Variants in SPINK5 observed in about 807,000 individuals in gnomAD.
The protein encoded by SPINK5 is serine peptidase inhibitor Kazal type 5.
In SPINK5, 125 loss-of-function variants were observed where a neutral mutation model predicts 151.8. The observed-to-expected ratio is 0.82, with a 90% confidence interval of 0.71 to 0.96. SPINK5 has a LOEUF of 0.96. Ranked by LOEUF, SPINK5 falls within the 40% of genes least tolerant of loss-of-function variation. SPINK5 has a pLI of 0.00. For synonymous variants in SPINK5, 374 were observed against 395.3 expected (o/e 0.95, Z 0.64); for missense variants, 1,194 against 1,291.9 (o/e 0.92, Z 1.16).
intron 10 of SPINK5, 48 bp from the exon 11 acceptor site, chr5:148,097,819 A>G: frequency 2.6e-6 from 4 of 1,546,502 alleles, no homozygotes; most frequent in Non-Finnish European, 3.6e-6. Flanking sequence ...TAACATTCAT[A>G]CATAGAAAAC....
chr5:148,076,882 C>T (rs902220225), intron 4 of SPINK5, among the ~76,000 whole-genome samples: 3 of 151,328 alleles, frequency 2.0e-5, no homozygotes, highest in African/African-American at 7.3e-5. Flanking sequence ...AAGGGAATTA[C>T]CAAACTTGAG....
rs1754213132 is a variant in SPINK5, at chr5:148,120,108, A to G, written c.2413A>G (p.Asn805Asp). The G allele has an allele frequency of 6.2e-7, 1 of 1,614,030 alleles. No homozygotes were observed. ...GGGTCCAGATGGCAAGACACATGGC[A>G]ATAAGTGTACTATGTGTAAGGAAAA... Reference protein sequence around the residue: ...VRGPDGKTHGNKCTMCKEKLE... With the variant: ...VRGPDGKTHGDKCTMCKEKLE... The change falls in exon 25 of 33, where the codon AAT becomes GAT. Residue 805 changes from asparagine to aspartate, a missense_variant. By Grantham distance (23) the Asn-to-Asp change is conservative. Coordinates refer to ENST00000256084, the MANE Select transcript of SPINK5 (RefSeq NM_006846.4).
chr5:148,091,033 A>G (rs1008992379), intron 7 of SPINK5, 132 bp from the exon 8 acceptor site: 2 of 756,728 alleles, frequency 2.6e-6, no homozygotes, highest in Middle Eastern at 3.2e-4. Context: ...GAAGACGGAA[A>G]TGCTTGTCTC....
chr5:148,128,453 G>C (rs1451202094), intron 30 of SPINK5, among the ~76,000 whole-genome samples: 1 of 151,936 alleles, frequency 6.6e-6, no homozygotes, highest in Admixed American at 6.6e-5. Flanking sequence ...TCATCAAGCC[G>C]GCAGTCCTTT....
chr5:148,110,086 T>G (rs1206167392), intron 18 of SPINK5, among the ~76,000 whole-genome samples: 1 of 152,196 alleles, frequency 6.6e-6, no homozygotes, highest in Non-Finnish European at 1.5e-5. Context: ...CCTTGCTTCA[T>G]TTCCCTACCA....
At chr5:148,117,773 C>G (rs941188107) in intron 22 of SPINK5, among the ~76,000 whole-genome samples, 2 of 152,112 alleles carry the variant, frequency 1.3e-5, no homozygotes, top group Non-Finnish European at 1.5e-5. Context: ...TGTACAGGGC[C>G]AACTGACAGA....
At chr5:148,108,490 G>A (rs374674057) in intron 17 of SPINK5, among the ~76,000 whole-genome samples, 132 of 152,126 alleles carry the variant, frequency 8.7e-4, no homozygotes, top group African/African-American at 2.9e-3. Context: ...AATTAGCGAC[G>A]TACAAAAAAT....
chr5:148,116,448 T>G lies in SPINK5; in HGVS notation c.2094T>G (p.Gly698=), dbSNP rs759508318. 1.2e-6 allele frequency: 2 copies of G among 1,613,668 alleles called. No homozygotes were observed. Among genetic ancestry groups the G allele is most frequent in the Non-Finnish European group, 1.7e-6 (2 of 1,179,964 alleles). ...CTGCAGGACATGGTTCCAGTGGTGG[T>G]GGAGGAGGAAACACTCAGGTGAGAG... ...RNAAGHGSSG[G]GGGNTQDECA... The change falls in exon 22 of 33, where the codon GGT becomes GGG. Residue 698 remains glycine (G), a synonymous_variant. Coordinates refer to ENST00000256084, the MANE Select transcript of SPINK5 (RefSeq NM_006846.4).
At chr5:148,092,357 T>C (rs1753333899) in intron 8 of SPINK5, among the ~76,000 whole-genome samples, 1 of 151,948 alleles carries the variant, frequency 6.6e-6, no homozygotes, top group African/African-American at 2.4e-5. Flanking sequence ...ATGCAACACT[T>C]GCCAAGGATT....
intron 2 of SPINK5, among the ~76,000 whole-genome samples, chr5:148,069,361 C>G (rs557585120): frequency 6.6e-6 from 1 of 151,806 alleles, no homozygotes; most frequent in Non-Finnish European, 1.5e-5. Context: ...TTCCCCTGTC[C>G]TCCTTAAACT....
intron 2 of SPINK5, among the ~76,000 whole-genome samples, chr5:148,067,994 C>T (rs1752629269): frequency 6.6e-6 from 1 of 152,064 alleles, no homozygotes; most frequent in African/African-American, 2.4e-5. Flanking sequence ...TATATACTTT[C>T]TATAAGACTT....
Position 148,133,786 on chromosome 5 carries a change from A to G in SPINK5, c.3096-11A>G. 6.2e-7 allele frequency: 1 copy of G among 1,613,596 alleles called. No homozygotes were observed. Among genetic ancestry groups the G allele is most frequent in the Non-Finnish European group, 8.5e-7 (1 of 1,179,784 alleles). ...TTCCTCGTTGTTGAAGCATCCTCTGATCTGTTTTAGGATACGCCAAACAAA... is the reference window on the plus strand; with the variant it reads ...TTCCTCGTTGTTGAAGCATCCTCTGGTCTGTTTTAGGATACGCCAAACAAA... On this transcript the variant is annotated splice_polypyrimidine_tract_variant and intron_variant, in intron 31 of 32. Coordinates refer to ENST00000256084, the MANE Select transcript of SPINK5 (RefSeq NM_006846.4).
rs73794662 is a variant in SPINK5 at position 148,099,022 on chromosome 5, G to A, written c.1011-212G>A. On this transcript the variant is annotated intron_variant, in intron 11 of 32. Coordinates refer to ENST00000256084, the MANE Select transcript of SPINK5 (RefSeq NM_006846.4). Reference sequence around the variant, plus strand: ...CAAGTATCCCAGATCCACTATTGCCGTCTTTCTTTCAACATTAAACAGACA... The same window carrying A: ...CAAGTATCCCAGATCCACTATTGCCATCTTTCTTTCAACATTAAACAGACA... 0.037 allele frequency among the ~76,000 whole-genome samples: 5,689 copies of A among 152,060 alleles called. 319 individuals are homozygous for A. Among genetic ancestry groups the A allele is most frequent in the African/African-American group, 0.13 (5,234 of 41,488 alleles).
intron 15 of SPINK5, among the ~76,000 whole-genome samples, chr5:148,103,255 T>G (rs1753695370): frequency 6.6e-6 from 1 of 151,938 alleles, no homozygotes; most frequent in South Asian, 2.1e-4. Flanking sequence ...ACAACAACCA[T>G]ATGAAATAGA....
rs1346028508 is a variant in SPINK5 at position 148,100,439 on chromosome 5, C to T, written c.1093-15C>T. 1 of 1,609,256 alleles carries T rather than the reference C, an allele frequency of 6.2e-7. No homozygotes were observed. Among genetic ancestry groups the T allele is most frequent in the Non-Finnish European group, 8.5e-7 (1 of 1,176,050 alleles). Reference sequence around the variant, plus strand: ...AATGAAATATATGGCCAACTTACTTCTTCTATCTCGGCAGGAGCTTTGCAG... The same window carrying T: ...AATGAAATATATGGCCAACTTACTTTTTCTATCTCGGCAGGAGCTTTGCAG... On this transcript the variant is annotated splice_polypyrimidine_tract_variant and intron_variant, in intron 12 of 32. Coordinates refer to ENST00000256084, the MANE Select transcript of SPINK5 (RefSeq NM_006846.4).
chr5:148,099,360 G>A (rs781090194), intron 12 of SPINK5, 45 bp downstream of exon 12: 1 of 1,573,460 alleles, frequency 6.4e-7, no homozygotes. Context: ...GCTATAATTT[G>A]AACAAATTTT....
intron 17 of SPINK5, among the ~76,000 whole-genome samples, 155 bp from the exon 18 acceptor site, chr5:148,108,598 T>G (rs1753839625): frequency 6.6e-6 from 1 of 152,334 alleles, no homozygotes; most frequent in East Asian, 1.9e-4. Context: ...TTATCTGTAC[T>G]ATTGGTTAAA....
At chr5:148,069,922 T>A (rs1752694062) in intron 2 of SPINK5, among the ~76,000 whole-genome samples, 1 of 152,056 alleles carries the variant, frequency 6.6e-6, no homozygotes, top group Admixed American at 6.6e-5. Flanking sequence ...CATGGGGAAA[T>A]GTAGGCAGAC....
chr5:148,083,696 T>C (rs1055270444), intron 4 of SPINK5, among the ~76,000 whole-genome samples: 6 of 151,502 alleles, frequency 4.0e-5, no homozygotes, highest in Middle Eastern at 3.5e-3. Flanking sequence ...AGCTTAAAAT[T>C]CTTATTGCTT....
Sources: gnomAD v4.1 joint callset for allele counts (sites outside exome capture counted in the v4.1 genomes callset) on GRCh38, gnomAD v4.1.1 for gene constraint, MANE v1.5 for transcripts, NCBI Gene and HGNC (gene_info 2026-07-23, HGNC 2026-07-21) for gene names.